The following VPS13D variants were observed in gnomAD, a reference collection of about 807,000 sequenced individuals.
VPS13D encodes intermembrane lipid transfer protein VPS13D.
A neutral mutation model predicts 461.9 loss-of-function variants in VPS13D; 187 were observed. The ratio of observed to expected loss-of-function variants is 0.40; its 90% CI spans 0.36 to 0.46. The LOEUF (loss-of-function observed/expected upper bound fraction) is 0.46. Among genes scored for constraint, VPS13D ranks in the 20% least tolerant of loss-of-function variants. The pLI, the probability that VPS13D is intolerant of heterozygous loss-of-function variation, is 0.60. For synonymous variants in VPS13D, 1,951 were observed against 1,986.3 expected (o/e 0.98, Z 0.47); for missense variants, 4,711 against 5,364.9 (o/e 0.88, Z 3.81).
intron 24 of VPS13D, among the ~76,000 whole-genome samples, chr1:12,295,264 T>A (rs1339619116): frequency 6.6e-6 from 1 of 151,716 alleles, no homozygotes; most frequent in Non-Finnish European, 1.5e-5. Context: ...GGTAAAAGAT[T>A]ATAATTTAAT....
At chr1:12,401,571 G>A in intron 61 of VPS13D, 37 bp from the exon 62 acceptor site, 1 of 1,509,720 alleles carries the variant, frequency 6.6e-7, no homozygotes, top group Non-Finnish European at 9.2e-7. Context: ...GTTCCTTCTG[G>A]TGTTCACACT....
At position 12,230,056 on chromosome 1, in the gene VPS13D, A is replaced by T. The variant is rs1639905793; in HGVS notation, c.-141A>T. ...TGAGCGCCGCGGGCCTGCGCCATTGAGGAGCGGCGGGGAGGAAACGCCGCG... is the reference window on the plus strand; with the variant it reads ...TGAGCGCCGCGGGCCTGCGCCATTGTGGAGCGGCGGGGAGGAAACGCCGCG... On this transcript the variant is annotated 5_prime_UTR_variant, in exon 1 of 70. Transcript: ENST00000620676. 1 of 151,782 alleles carries T rather than the reference A, an allele frequency of 6.6e-6. No individual in the cohort carries two copies. Among genetic ancestry groups the T allele is most frequent in the Non-Finnish European group, 1.5e-5 (1 of 67,944 alleles). 9.4% of individuals were successfully genotyped at this position (151,782 alleles called of 1,614,324 possible). A position where few individuals can be genotyped will look rare whatever the true frequency, so the allele number is the denominator to read the frequency against.
At chr1:12,319,394 C>A in intron 31 of VPS13D, 103 bp from the exon 32 acceptor site, 1 of 1,502,770 alleles carries the variant, frequency 6.7e-7, no homozygotes, top group Non-Finnish European at 9.1e-7. Context: ...CTTACTGGTT[C>A]ATGTTGTTGC....
rs368719308 is a variant in VPS13D, at chr1:12,293,600, G to A, written c.5929G>A (p.Val1977Met). ...CCTCCGGATGGCCTCTGTGCAGTAT[G>A]TGCATACTCAGCGTTTCCAGGCAGA... Reference protein sequence around the residue: ...VSLRMASVQYVHTQRFQAEVV... With the variant: ...VSLRMASVQYMHTQRFQAEVV... Residue 1977 changes from valine to methionine, a missense_variant, in exon 24 of 70, where the codon GTG becomes ATG. Physicochemically the swap from Val to Met is conservative, Grantham distance 21. Around this residue, in one of 3 missense-constraint regions of VPS13D, gnomAD observed 4,411 missense variants for 4,937.8 expected, o/e 0.89. Coordinates refer to ENST00000620676, the MANE Select transcript of VPS13D (RefSeq NM_015378.4). 1.4e-5 allele frequency: 22 copies of A among 1,614,074 alleles called. No individual in the cohort carries two copies. Among genetic ancestry groups the A allele is most frequent in the Non-Finnish European group, 1.8e-5 (21 of 1,180,038 alleles).
At chr1:12,477,229 T>TA (rs1570250103) in intron 67 of VPS13D, among the ~76,000 whole-genome samples, 2 of 151,362 alleles carry the variant, frequency 1.3e-5, no homozygotes, top group Admixed American at 6.6e-5. Context: ...CTGCTCCTCT[T>TA]ATACCTTTGG....
At chr1:12,393,704 T>C (rs1644458872) in intron 60 of VPS13D, among the ~76,000 whole-genome samples, 1 of 152,186 alleles carries the variant, frequency 6.6e-6, no homozygotes, top group Non-Finnish European at 1.5e-5. Flanking sequence ...TTACTATTTT[T>C]CTAGGTAGAG....
At chr1:12,404,469 G>A (rs1006808266) in intron 63 of VPS13D, among the ~76,000 whole-genome samples, 1 of 152,126 alleles carries the variant, frequency 6.6e-6, no homozygotes, top group Non-Finnish European at 1.5e-5. Flanking sequence ...AGTCGACTCA[G>A]CCCACTTACC....
At chr1:12,391,799 C>T (rs565320399) in intron 60 of VPS13D, among the ~76,000 whole-genome samples, 4 of 152,258 alleles carry the variant, frequency 2.6e-5, no homozygotes, top group African/African-American at 4.8e-5. Flanking sequence ...TTGCTTTTTA[C>T]AGCTAGTTAA....
intron 41 of VPS13D, 37 bp from the exon 42 acceptor site, chr1:12,342,862 A>G (rs1311184240): frequency 6.3e-7 from 1 of 1,586,398 alleles, no homozygotes; most frequent in Non-Finnish European, 8.6e-7. Context: ...GCTGGGAAGA[A>G]ACAGGGACAG....
In VPS13D at chr1:12,349,251, A is replaced by G; in HGVS notation, c.9308A>G (p.Lys3103Arg). The G allele has an allele frequency of 6.2e-7, 1 of 1,614,112 alleles. No homozygotes were observed. Among genetic ancestry groups the G allele is most frequent in the Non-Finnish European group, 8.5e-7 (1 of 1,180,022 alleles). The stretch of plus-strand genomic sequence containing the variant: ...TCTTGGCGGCTACAGGCCCGGCCCA[A>G]AGGATTGGGTGTATTTTTCTGTAAG... ...LTSWRLQARP[K>R]GLGVFFCKAP... Residue 3103 changes from lysine to arginine, a missense_variant, in exon 46 of 70, where the codon AAA becomes AGA. Lys to Arg is a conservative substitution (Grantham distance 26). Coordinates refer to ENST00000620676, the MANE Select transcript of VPS13D (RefSeq NM_015378.4).
chr1:12,407,600 A>G (rs1438672907), intron 63 of VPS13D, among the ~76,000 whole-genome samples: 1 of 152,162 alleles, frequency 6.6e-6, no homozygotes, highest in Non-Finnish European at 1.5e-5. Flanking sequence ...CTCGACTTTG[A>G]CTGTCCAGAT....
Position 12,321,914 on chromosome 1 carries a change from T to C in VPS13D, c.7654T>C (p.Ser2552Pro), listed in dbSNP as rs748792426. 2 of 1,613,716 alleles carry C rather than the reference T, an allele frequency of 1.2e-6. No individual in the cohort carries two copies. Among genetic ancestry groups the C allele is most frequent in the Non-Finnish European group, 1.7e-6 (2 of 1,179,888 alleles). ...LVGNSSYQNS[S>P]GLMDAFNSED... ...GGGGAATTCTTCTTATCAAAATAGT[T>C]CAGGATTGATGGATGCATTCAATAG... Residue 2552 changes from serine to proline, a missense_variant, in exon 33 of 70, where the codon TCA (serine) becomes CCA (proline). Physicochemically the swap from Ser to Pro is moderately conservative, Grantham distance 74 (BLOSUM62 -1). Around this residue, in one of 3 missense-constraint regions of VPS13D, gnomAD observed 4,411 missense variants for 4,937.8 expected, o/e 0.89. Transcript: ENST00000620676.
At chr1:12,347,832 A>G (rs1050945637) in intron 44 of VPS13D, among the ~76,000 whole-genome samples, 11 of 152,232 alleles carry the variant, frequency 7.2e-5, no homozygotes, top group African/African-American at 2.7e-4. Context: ...TGTACCTAAC[A>G]TGGGATTTTT....
rs1051638595 is a variant in VPS13D, at chr1:12,505,013, C to T, written c.12795-1840C>T. On this transcript the variant is annotated intron_variant, in intron 68 of 69. Transcript: ENST00000620676. This position sits in a 1 kb window ranked among gnomAD's most constrained non-coding sequence, Gnocchi z 4.2. ...TGCTCACCTAGAGGAAGGAACCTCACATCTCAGTTGGATTTTTCATGCACA... is the reference window on the plus strand; with the variant it reads ...TGCTCACCTAGAGGAAGGAACCTCATATCTCAGTTGGATTTTTCATGCACA... Among the ~76,000 whole-genome samples, 5 of 152,158 alleles carry T rather than the reference C, an allele frequency of 3.3e-5. No homozygotes were observed. The highest frequency in any genetic ancestry group is 1.2e-4 in the African/African-American group (5 of 41,432).
rs371793059 is a variant in VPS13D, at chr1:12,249,353, G to A, written c.564+14G>A. 8 of 1,596,100 alleles carry A rather than the reference G, an allele frequency of 5.0e-6. No homozygotes were observed. In the African/African-American group the frequency reaches 9.4e-5, roughly 19 times the overall value. On this transcript the variant is annotated intron_variant, in intron 6 of 69. Transcript: ENST00000620676. ...GTGAATGAGCCTGTGAGTATGAAAT[G>A]TGATGACAAAGCAGGAAGAAAGCCA...
chr1:12,439,335 G>A (rs1202964996), intron 65 of VPS13D, among the ~76,000 whole-genome samples: 1 of 152,010 alleles, frequency 6.6e-6, no homozygotes, highest in Non-Finnish European at 1.5e-5. Flanking sequence ...TCTGCACTCA[G>A]TGTTCTCTTC....
In VPS13D at chr1:12,276,252, A is replaced by C; in HGVS notation, c.2664A>C (p.Glu888Asp). 1.2e-6 allele frequency: 2 copies of C among 1,614,088 alleles called. No individual in the cohort carries two copies. Among genetic ancestry groups the C allele is most frequent in the Non-Finnish European group, 1.7e-6 (2 of 1,180,020 alleles). Residue 888 changes from glutamate to aspartate, a missense_variant, in exon 19 of 70, where the codon GAA (glutamate) becomes GAC (aspartate). Transcript: ENST00000620676. This position sits in a 1 kb window ranked among gnomAD's most constrained non-coding sequence, Gnocchi z 4.5. The stretch of plus-strand genomic sequence containing the variant: ...CAGACTTAAAAATCCACATTAATGA[A>C]GATAAAATATCTGCACTAAAGAATT... Reference protein sequence around the residue: ...NLPDLKIHINEDKISALKNCF... With the variant: ...NLPDLKIHINDDKISALKNCF...
intron 2 of VPS13D, among the ~76,000 whole-genome samples, chr1:12,239,855 C>T (rs1303004670): frequency 6.6e-6 from 1 of 152,012 alleles, no homozygotes; most frequent in African/African-American, 2.4e-5. Context: ...GTAATGTCTG[C>T]CTGGAGTGAG....
chr1:12,270,232 G>A (rs1160244020), intron 16 of VPS13D, among the ~76,000 whole-genome samples: 5 of 152,006 alleles, frequency 3.3e-5, no homozygotes, highest in Middle Eastern at 3.4e-3. Context: ...TGAGGCAGGC[G>A]GATCACTAGA....
Sources: gnomAD v4.1 joint callset for allele counts (sites outside exome capture counted in the v4.1 genomes callset) on GRCh38, gnomAD v4.1.1 for gene constraint, gnomAD v4.1.1 regional missense constraint, Gnocchi (gnomAD v3.1) non-coding constraint, MANE v1.5 for transcripts, NCBI Gene and HGNC (gene_info 2026-07-23, HGNC 2026-07-21) for gene names.